The following NGDN variants were observed in gnomAD, a reference collection of about 807,000 sequenced individuals.
NGDN encodes neuroguidin.
A neutral mutation model predicts 45.2 loss-of-function variants in NGDN; 41 were observed. The observed-to-expected ratio is 0.91, with a 90% CI of 0.71 to 1.18. The LOEUF (loss-of-function observed/expected upper bound fraction) is 1.18, where lower values mean the gene tolerates loss of function less well. Among genes scored for constraint, NGDN ranks in the 50% most tolerant of loss-of-function variants. The probability of loss-of-function intolerance (pLI) is 0.00; values close to 1 mark genes in which losing one functional copy is unlikely to be tolerated. For missense variants in NGDN, 402 were observed against 399.9 expected, an observed-to-expected ratio of 1.01 and a Z score of -0.05; for synonymous variants, 137 against 130.9, an observed-to-expected ratio of 1.05 and a Z score of -0.32.
rs1893890606 is a variant in NGDN at position 23,475,905 on chromosome 14, G to A, written c.421-124G>A. ...TTTCCAACTTGTGTGTTAGAATGCT[G>A]AGTTTGAGATTCCCTTTTTTCCCTT... On this transcript the variant is annotated intron_variant, in intron 6 of 10. Transcript: ENST00000408901. 3.4e-6 allele frequency: 5 copies of A among 1,467,402 alleles called. No individual in the cohort carries two copies. The East Asian group carries it at 1.1e-4, about 33-fold the overall frequency. 90.9% of individuals were successfully genotyped at this position (1,467,402 alleles called of 1,614,324 possible). A position where few individuals can be genotyped will look rare whatever the true frequency, so the allele number is the denominator to read the frequency against.
At chr14:23,473,449 G>A (rs1016480096) in intron 3 of NGDN, among the ~76,000 whole-genome samples, 3 of 152,136 alleles carry the variant, frequency 2.0e-5, no homozygotes, top group African/African-American at 7.2e-5. Flanking sequence ...GTGCTTTATA[G>A]GTTACAAAGT....
intron 3 of NGDN, among the ~76,000 whole-genome samples, chr14:23,474,328 A>T (rs904495160): frequency 4.6e-5 from 7 of 152,226 alleles, no homozygotes; most frequent in African/African-American, 1.7e-4. Flanking sequence ...AGGGCTGTGA[A>T]GTTTGGAAGA....
At chr14:23,470,180 T>C (rs992160586) in intron 2 of NGDN, 79 bp downstream of exon 2, 1 of 1,237,642 alleles carries the variant, frequency 8.1e-7, no homozygotes. Flanking sequence ...ACTTTGGTGA[T>C]TGAGATACGT....
intron 4 of NGDN, 59 bp from the exon 5 acceptor site, chr14:23,475,499 T>G: frequency 6.5e-7 from 1 of 1,539,174 alleles, no homozygotes; most frequent in Non-Finnish European, 9.0e-7. Flanking sequence ...ATATAGGGAC[T>G]CTGGTGTGTG....
At chr14:23,478,739 C>G (rs1006211573), downstream of NGDN, 2 of 102,786 alleles carry the variant, frequency 1.9e-5, no homozygotes, top group Non-Finnish European at 3.8e-5. Context: ...CCCCCACCCC[C>G]CCGCCTTCAA....
At chr14:23,470,137 G>C in intron 2 of NGDN, 36 bp downstream of exon 2, 1 of 1,588,602 alleles carries the variant, frequency 6.3e-7, no homozygotes, top group Non-Finnish European at 8.6e-7. Context: ...ATTAGTCACG[G>C]ATTGGCTTTG....
At position 23,470,230 on chromosome 14, in the gene NGDN, A is replaced by G. The variant is rs1039964903; in HGVS notation, c.72+129A>G. On this transcript the variant is annotated intron_variant, in intron 2 of 10. Transcript: ENST00000408901. ...ACCTTAGAGTAAAATGATGTAATCA[A>G]AACCTTTTCACGCCAGAATTCTAAG... is the stretch of plus-strand genomic sequence containing the variant. 5.5e-6 allele frequency: 4 copies of G among 733,108 alleles called. No homozygotes were observed. In the South Asian group the frequency reaches 6.9e-5, roughly 13 times the overall value. 45.4% of individuals were successfully genotyped at this position (733,108 alleles called of 1,614,324 possible). A position where few individuals can be genotyped will look rare whatever the true frequency, so the allele number is the denominator to read the frequency against.
chr14:23,471,279 T>C (rs1893771931), intron 3 of NGDN: 1 of 287,702 alleles, frequency 3.5e-6, no homozygotes, highest in Non-Finnish European at 6.4e-6. Flanking sequence ...GAGGAATAAA[T>C]GGGAGGGACA....
In NGDN at chr14:23,477,558, A is replaced by G; in HGVS notation, c.926A>G (p.Lys309Arg). Residue 309 changes from lysine to arginine, a missense_variant and splice_region_variant, in exon 10 of 11, where the codon AAA becomes AGA. Transcript: ENST00000408901. ...ATACCTCAGAAAGGTCGGAAGAAAAAAGGTCAGTGAACTGCTGGGACTTAG... is the reference window on the plus strand; with the variant it reads ...ATACCTCAGAAAGGTCGGAAGAAAAGAGGTCAGTGAACTGCTGGGACTTAG... ...KKIPQKGRKK[K>R]GFRRRR The G allele has an allele frequency of 1.9e-6, 3 of 1,614,166 alleles. No individual in the cohort carries two copies. Among genetic ancestry groups the G allele is most frequent in the Non-Finnish European group, 2.5e-6 (3 of 1,180,026 alleles).
At chr14:23,476,733 C>G (rs1328807348) in intron 8 of NGDN, among the ~76,000 whole-genome samples, 1 of 152,152 alleles carries the variant, frequency 6.6e-6, no homozygotes, top group African/African-American at 2.4e-5. Flanking sequence ...TGTCACAGCT[C>G]TCACTTTTGT....
rs762752866 is a variant in NGDN, at chr14:23,476,143, G to A, written c.535G>A (p.Val179Ile). ...ATATGTTCCTCCACGCTTGGTTCCA[G>A]TACATTATGGTATAAACTTTGGCTG... is the stretch of plus-strand genomic sequence containing the variant. The part of the protein sequence containing the change: ...KKYVPPRLVP[V>I]HYDETEAERE... The change falls in exon 7 of 11, where the codon GTA (valine) becomes ATA (isoleucine). Residue 179 changes from valine to isoleucine, a missense_variant. Coordinates refer to ENST00000408901, the MANE Select transcript of NGDN (RefSeq NM_001042635.2). 51 of 1,614,070 alleles carry A rather than the reference G, an allele frequency of 3.2e-5. No individual in the cohort carries two copies. Among genetic ancestry groups the A allele is most frequent in the Non-Finnish European group, 4.0e-5 (47 of 1,180,024 alleles).
rs2138725946 is a variant in NGDN at position 23,476,363 on chromosome 14, T to C, written c.669T>C (p.Ala223=). 1.2e-6 allele frequency: 2 copies of C among 1,612,942 alleles called. No individual in the cohort carries two copies. The highest frequency in any genetic ancestry group is 2.7e-5 in the African/African-American group (2 of 74,994). Residue 223 remains alanine, a synonymous_variant, in exon 8 of 11, where the codon GCT becomes GCC. Coordinates refer to ENST00000408901, the MANE Select transcript of NGDN (RefSeq NM_001042635.2). ...YSDAPEEIRD[A]RHPHVTRQSQ... is the part of the protein sequence containing the mutation. ...ATGCTCCAGAGGAAATCCGTGATGC[T>C]CGGCATCCCCATGTTACCCGCCAGA...
chr14:23,475,281 A>G lies in NGDN; in HGVS notation c.255A>G (p.Ala85=). The G allele has an allele frequency of 6.2e-7, 1 of 1,613,762 alleles. No homozygotes were observed. The highest frequency in any genetic ancestry group is 8.5e-7 in the Non-Finnish European group (1 of 1,179,858). ...ASGGSLQGHD[A]VLRLVEIRTV... ...GAGGATCTCTTCAGGGACATGATGC[A>G]GTTTTGAGACTGGTGGAGATTCGCA... Residue 85 remains alanine, a synonymous_variant, in exon 4 of 11, where the codon GCA becomes GCG. Transcript: ENST00000408901.
At chr14:23,469,795 G>A in intron 1 of NGDN, 68 bp downstream of exon 1, 1 of 1,596,330 alleles carries the variant, frequency 6.3e-7, no homozygotes, top group East Asian at 2.2e-5. Context: ...AGCGGCTGGA[G>A]GCAAACTGTT....
intron 9 of NGDN, 30 bp downstream of exon 9, chr14:23,477,386 G>A: frequency 6.2e-7 from 1 of 1,613,592 alleles, no homozygotes; most frequent in African/African-American, 1.3e-5. Context: ...GTAGTAGGAT[G>A]TGACTTTCAT....
chr14:23,478,775 T>C (rs1464258250), downstream of NGDN: 31 of 20,924 alleles, frequency 1.5e-3, 2 homozygotes, highest in African/African-American at 5.4e-3. Context: ...CCAGAGTCAA[T>C]AAAGGCCAAC....
intron 3 of NGDN, 25 bp downstream of exon 3, chr14:23,471,002 A>G (rs1893764246): frequency 6.9e-7 from 1 of 1,450,452 alleles, no homozygotes; most frequent in East Asian, 2.6e-5. Flanking sequence ...AACAGTAAGC[A>G]TCCCCTGACT....
intron 2 of NGDN, chr14:23,470,410 C>T (rs995733651): frequency 1.3e-5 from 4 of 297,682 alleles, no homozygotes; most frequent in Admixed American, 5.0e-5. Context: ...TATACAGATG[C>T]TTCTCGACTT....
intron 3 of NGDN, chr14:23,471,399 G>T (rs1390814708): frequency 6.3e-6 from 1 of 159,640 alleles, no homozygotes; most frequent in Non-Finnish European, 1.4e-5. Context: ...TGTGTTGGGG[G>T]TAGGAAATAA....
Sources: allele counts gnomAD v4.1 joint callset (sites outside exome capture counted in the v4.1 genomes callset), GRCh38; gene constraint gnomAD v4.1.1; transcripts MANE v1.5; gene names NCBI Gene and HGNC (gene_info 2026-07-23, HGNC 2026-07-21).